The following LRGUK variants were observed in gnomAD, a reference collection of about 807,000 sequenced individuals.
LRGUK encodes leucine-rich repeat and guanylate kinase domain-containing protein.
LRGUK carries 65 observed loss-of-function variants against 76.0 expected under a neutral mutation model. That is an observed-to-expected ratio of 0.85 (90% CI 0.70 to 1.05). The LOEUF (loss-of-function observed/expected upper bound fraction) is 1.05. Among genes scored for constraint, LRGUK ranks in the 50% least tolerant of loss-of-function variants. The pLI, the probability that LRGUK is intolerant of heterozygous loss-of-function variation, is 0.00. For missense variants in LRGUK, 758 were observed against 732.8 expected (o/e 1.03, Z -0.40); for synonymous variants, 268 against 265.6 (o/e 1.01, Z -0.09).
chr7:134,275,990 A>G, the LRGUK span, among the ~76,000 whole-genome samples: 1 of 152,206 alleles, frequency 6.6e-6, no homozygotes, highest in East Asian at 1.9e-4. Context: ...GCAAAGAAAG[A>G]AGCAAGCTCC....
intron 3 of LRGUK, among the ~76,000 whole-genome samples, chr7:134,140,755 A>G (rs1198330800): frequency 6.6e-6 from 1 of 152,144 alleles, no homozygotes; most frequent in African/African-American, 2.4e-5. Flanking sequence ...GCCCATTTTC[A>G]TTCTTAAAAT....
At chr7:134,270,901 A>C in the LRGUK span, among the ~76,000 whole-genome samples, 1 of 152,060 alleles carries the variant, frequency 6.6e-6, no homozygotes, top group African/African-American at 2.4e-5. Context: ...AGATATTACT[A>C]TAGTGGTTGC....
intron 15 of LRGUK, among the ~76,000 whole-genome samples, chr7:134,202,520 C>G (rs1800817228): frequency 6.6e-6 from 1 of 152,054 alleles, no homozygotes; most frequent in African/African-American, 2.4e-5. Context: ...GGCAGGATCT[C>G]AAAAAGAGAG....
intron 7 of LRGUK, among the ~76,000 whole-genome samples, chr7:134,173,037 A>G (rs1799324026): frequency 6.6e-6 from 1 of 152,154 alleles, no homozygotes; most frequent in Non-Finnish European, 1.5e-5. Context: ...ATGGAATGCT[A>G]GAAGGAAATT....
chr7:134,270,155 G>C, the LRGUK span, among the ~76,000 whole-genome samples: 1 of 152,122 alleles, frequency 6.6e-6, no homozygotes, highest in East Asian at 1.9e-4. Flanking sequence ...CTTATCTGCA[G>C]ATAATATTAT....
At chr7:134,247,597 A>G in exon 17 of LRGUK, 1 of 1,613,944 alleles carries the variant, frequency 6.2e-7, no homozygotes, top group Non-Finnish European at 8.5e-7. Flanking sequence ...CAGCCCGGCA[A>G]GCTCTAATGG....
chr7:134,136,658 G>A (rs1563136110), intron 1 of LRGUK, among the ~76,000 whole-genome samples: 1 of 152,090 alleles, frequency 6.6e-6, no homozygotes, highest in African/African-American at 2.4e-5. Context: ...GTTGTCCAAA[G>A]GATTCAATGA....
At chr7:134,235,497 T>C (rs1015110127) in intron 16 of LRGUK, among the ~76,000 whole-genome samples, 2 of 152,234 alleles carry the variant, frequency 1.3e-5, no homozygotes, top group African/African-American at 4.8e-5. Context: ...TCTCCTACTC[T>C]GTGTCCTTCC....
intron 16 of LRGUK, 115 bp from the exon 17 acceptor site, chr7:134,247,441 C>T: frequency 3.1e-6 from 2 of 650,228 alleles, no homozygotes; most frequent in East Asian, 3.0e-5. Context: ...CCTTTTCCCC[C>T]TTTTTCTTCC....
chr7:134,269,932 A>G, the LRGUK span, among the ~76,000 whole-genome samples: 1 of 152,204 alleles, frequency 6.6e-6, no homozygotes. Context: ...CTAGGAATAC[A>G]GGGGACCTTC....
intron 4 of LRGUK, among the ~76,000 whole-genome samples, chr7:134,145,597 G>T (rs1332650626): frequency 6.6e-6 from 1 of 152,164 alleles, no homozygotes; most frequent in African/African-American, 2.4e-5. Flanking sequence ...CTGTGGGGCT[G>T]TCCTGATATT....
chr7:134,247,457 A>T, intron 16 of LRGUK, 99 bp from the exon 17 acceptor site: 3 of 757,578 alleles, frequency 4.0e-6, no homozygotes, highest in Admixed American at 2.7e-5. Flanking sequence ...CTTCCCACAT[A>T]TTTGTCAATC....
chr7:134,153,914 C>A (rs1230848817), intron 5 of LRGUK, among the ~76,000 whole-genome samples: 1 of 152,082 alleles, frequency 6.6e-6, no homozygotes, highest in Non-Finnish European at 1.5e-5. Context: ...TACACTTGAA[C>A]CATATTTTAT....
At chr7:134,201,622 G>C in intron 15 of LRGUK, 46 bp downstream of exon 15, 2 of 1,422,584 alleles carry the variant, frequency 1.4e-6, no homozygotes, top group South Asian at 1.2e-5. Flanking sequence ...TTTTTTCATG[G>C]AAAGGAAAAC....
intron 16 of LRGUK, among the ~76,000 whole-genome samples, chr7:134,242,736 CAGAG>C (rs1802194771): frequency 6.6e-6 from 1 of 152,074 alleles, no homozygotes; most frequent in Non-Finnish European, 1.5e-5. Flanking sequence ...TAAAGCCTGG[CAGAG>C]ACACAACAAA....
chr7:134,224,871 T>G (rs953346176), intron 16 of LRGUK, among the ~76,000 whole-genome samples: 1 of 151,818 alleles, frequency 6.6e-6, no homozygotes, highest in Non-Finnish European at 1.5e-5. Flanking sequence ...GCCAACATGG[T>G]GAAACCCCGT....
At chr7:134,271,693 G>A in the LRGUK span, among the ~76,000 whole-genome samples, 1 of 151,838 alleles carries the variant, frequency 6.6e-6, no homozygotes, top group Non-Finnish European at 1.5e-5. Context: ...CTCCCTATCT[G>A]TAAACATTCT....
At chr7:134,172,906 G>C (rs1457654441) in intron 7 of LRGUK, among the ~76,000 whole-genome samples, 1 of 152,088 alleles carries the variant, frequency 6.6e-6, no homozygotes. Flanking sequence ...AAGGTTCCTT[G>C]AGCTAGGGAG....
the LRGUK span, among the ~76,000 whole-genome samples, chr7:134,270,235 A>G: frequency 1.8e-4 from 28 of 152,342 alleles, no homozygotes; most frequent in South Asian, 1.2e-3. Flanking sequence ...TTAAGTTCTC[A>G]GGTATCAAGA....
Sources: allele counts gnomAD v4.1 joint callset (sites outside exome capture counted in the v4.1 genomes callset), GRCh38; gene constraint gnomAD v4.1.1; transcripts MANE v1.5; gene names NCBI Gene and HGNC (gene_info 2026-07-23, HGNC 2026-07-21).